Variants in SLC8A3 observed in about 807,000 individuals in gnomAD.
SLC8A3 encodes the protein sodium/calcium exchanger 3.
In SLC8A3, 37 loss-of-function variants were observed where a neutral mutation model predicts 65.4. That is an observed-to-expected ratio of 0.57 (90% CI 0.44 to 0.74). The LOEUF (loss-of-function observed/expected upper bound fraction) is 0.74. SLC8A3 is among the 30% of genes least tolerant of loss of function. The pLI is 0.00. For synonymous variants in SLC8A3, 461 were observed against 444.5 expected, an observed-to-expected ratio of 1.04 and a Z score of -0.47; for missense variants, 1,112 against 1,172.1, an observed-to-expected ratio of 0.95 and a Z score of 0.75.
intron 2 of SLC8A3, among the ~76,000 whole-genome samples, chr14:70,128,603 T>C (rs1894630315): frequency 6.6e-6 from 1 of 152,238 alleles, no homozygotes; most frequent in Non-Finnish European, 1.5e-5. Context: ...TTAGCATTTT[T>C]CAGTTAATTT....
chr14:70,154,600 G>A (rs1025314608), intron 2 of SLC8A3, among the ~76,000 whole-genome samples: 1 of 152,218 alleles, frequency 6.6e-6, no homozygotes, highest in African/African-American at 2.4e-5. Flanking sequence ...GTACCATGCA[G>A]TAGGAAAGGT....
At chr14:70,124,111 A>C (rs557465730) in intron 2 of SLC8A3, among the ~76,000 whole-genome samples, 18 of 152,330 alleles carry the variant, frequency 1.2e-4, no homozygotes, top group South Asian at 2.1e-4. Flanking sequence ...CCCATTTTAC[A>C]GAAGAGACCA....
Position 70,061,530 on chromosome 14 carries a change from A to G in SLC8A3, c.1785-591T>C, listed in dbSNP as rs566564619. 1.3e-3 allele frequency among the ~76,000 whole-genome samples: 194 copies of G among 149,784 alleles called. 1 individual carries two copies. Among genetic ancestry groups the G allele is most frequent in the Non-Finnish European group, 6.5e-4 (44 of 67,750 alleles). On this transcript the variant is annotated intron_variant, in intron 2 of 6. Coordinates refer to ENST00000356921, the MANE Select transcript of SLC8A3 (RefSeq NM_182932.3). ...AGGAAGGAAAACCAGACAGAGGAAG[A>G]GAAGAGAGAGAGAGAGAGAGAGTGA... is the stretch of plus-strand genomic sequence containing the variant.
chr14:70,051,436 G>A (rs1175749887), intron 4 of SLC8A3, among the ~76,000 whole-genome samples: 1 of 152,104 alleles, frequency 6.6e-6, no homozygotes, highest in Non-Finnish European at 1.5e-5. Flanking sequence ...GGGACCACAG[G>A]CATGTACAAC....
intron 2 of SLC8A3, among the ~76,000 whole-genome samples, chr14:70,088,414 T>C (rs1393180913): frequency 6.6e-6 from 1 of 152,214 alleles, no homozygotes; most frequent in East Asian, 1.9e-4. Flanking sequence ...CTGTGTCAGC[T>C]AGGATAACTC....
At position 70,046,167 on chromosome 14, in the gene SLC8A3, T is replaced by C; in HGVS notation, c.2546A>G (p.His849Arg). ...GAAGGCCAGTGTGCCGGCCGACACG[T>C]GGAACTCCTGTCCCTGCAGAGCCCA... is the stretch of plus-strand genomic sequence containing the variant. ...IYWALQGQEFHVSAGTLAFSV... is the reference protein window; with the variant it reads ...IYWALQGQEFRVSAGTLAFSV... The change falls in exon 7 of 7, where the codon CAC (histidine) becomes CGC (arginine). Residue 849 changes from histidine to arginine, a missense_variant. His to Arg is a conservative substitution (Grantham distance 29). Coordinates refer to ENST00000356921, the MANE Select transcript of SLC8A3 (RefSeq NM_182932.3). The surrounding 1 kb of genome is among the most constrained non-coding windows in gnomAD (Gnocchi z 4.2). 1 of 1,614,110 alleles carries C rather than the reference T, an allele frequency of 6.2e-7. No homozygotes were observed. Among genetic ancestry groups the C allele is most frequent in the Non-Finnish European group, 8.5e-7 (1 of 1,180,012 alleles).
chr14:70,096,231 A>T (rs1407749378), intron 2 of SLC8A3, among the ~76,000 whole-genome samples: 1 of 152,120 alleles, frequency 6.6e-6, no homozygotes, highest in African/African-American at 2.4e-5. Flanking sequence ...AGGTGCCTTT[A>T]CTGGGTTCCT....
At chr14:70,171,182 G>A (rs1179656604) in intron 1 of SLC8A3, among the ~76,000 whole-genome samples, 1 of 152,208 alleles carries the variant, frequency 6.6e-6, no homozygotes, top group African/African-American at 2.4e-5. Context: ...CCAACCCAGT[G>A]ACAGGAGGTG....
At chr14:70,139,200 C>T in intron 2 of SLC8A3, among the ~76,000 whole-genome samples, 1 of 152,160 alleles carries the variant, frequency 6.6e-6, no homozygotes, top group East Asian at 1.9e-4. Flanking sequence ...GGAGGGGTGC[C>T]TGAGTTGTTG....
At chr14:70,065,806 A>G (rs1219087678) in intron 2 of SLC8A3, among the ~76,000 whole-genome samples, 1 of 152,202 alleles carries the variant, frequency 6.6e-6, no homozygotes, top group African/African-American at 2.4e-5. Context: ...GAAACTCAAT[A>G]AGTACAGGTG....
At chr14:70,139,275 C>T (rs1176034859) in intron 2 of SLC8A3, among the ~76,000 whole-genome samples, 4 of 152,180 alleles carry the variant, frequency 2.6e-5, no homozygotes, top group Non-Finnish European at 4.4e-5. Flanking sequence ...AGTGCCCCCT[C>T]TTACCCCGGC....
chr14:70,074,027 C>T (rs542670189), intron 2 of SLC8A3, among the ~76,000 whole-genome samples: 2 of 152,198 alleles, frequency 1.3e-5, no homozygotes, highest in African/African-American at 4.8e-5. Context: ...TTAGCTGATT[C>T]TATAGACATT....
chr14:70,056,088 A>G (rs1888084237), intron 3 of SLC8A3, among the ~76,000 whole-genome samples: 1 of 152,136 alleles, frequency 6.6e-6, no homozygotes, highest in Admixed American at 6.5e-5. Context: ...TAGGGCTAGG[A>G]ATGGAGGAAT....
chr14:70,085,628 A>T (rs948919118), intron 2 of SLC8A3, among the ~76,000 whole-genome samples: 18 of 152,218 alleles, frequency 1.2e-4, no homozygotes, highest in African/African-American at 4.1e-4. Context: ...GATGAATAAA[A>T]CAGTTTCAAG....
intron 1 of SLC8A3, among the ~76,000 whole-genome samples, chr14:70,182,562 G>GAGAAAGAA (rs56908311): frequency 1.3e-5 from 2 of 151,524 alleles, no homozygotes; most frequent in Non-Finnish European, 2.9e-5. Flanking sequence ...GAGAGAGAGA[G>GAGAAAGAA]AGAAAGAGGG....
At chr14:70,136,474 T>C (rs1594740114) in intron 2 of SLC8A3, among the ~76,000 whole-genome samples, 1 of 152,164 alleles carries the variant, frequency 6.6e-6, no homozygotes, top group South Asian at 2.1e-4. Context: ...GCCATCTTAC[T>C]CCCTCTCCAG....
intron 2 of SLC8A3, among the ~76,000 whole-genome samples, chr14:70,061,478 G>T (rs751349166): frequency 4.6e-5 from 7 of 151,032 alleles, no homozygotes; most frequent in Non-Finnish European, 8.8e-5. Context: ...GTTTCAGAAA[G>T]AAAATTTTAA....
At chr14:70,078,594 A>G (rs1272189178) in intron 2 of SLC8A3, among the ~76,000 whole-genome samples, 1 of 152,136 alleles carries the variant, frequency 6.6e-6, no homozygotes, top group Non-Finnish European at 1.5e-5. Flanking sequence ...CTTCCCACTG[A>G]TGGCTGGCTG....
chr14:70,151,266 A>G (rs1896257090), intron 2 of SLC8A3, among the ~76,000 whole-genome samples: 1 of 152,160 alleles, frequency 6.6e-6, no homozygotes, highest in Non-Finnish European at 1.5e-5. Flanking sequence ...AAAAAGAAAA[A>G]AAAAAAAAAA....
Sources: allele counts gnomAD v4.1 joint callset (sites outside exome capture counted in the v4.1 genomes callset), GRCh38; gene constraint gnomAD v4.1.1; non-coding constraint Gnocchi (gnomAD v3.1); transcripts MANE v1.5; gene names NCBI Gene and HGNC (gene_info 2026-07-23, HGNC 2026-07-21).